Variants in GABRB2 observed in about 807,000 individuals in gnomAD.
GABRB2 encodes gamma-aminobutyric acid receptor subunit beta-2.
A neutral mutation model predicts 54.7 loss-of-function variants in GABRB2; 16 were observed. That is an observed-to-expected ratio of 0.29 (90% CI 0.20 to 0.44). GABRB2 has a LOEUF of 0.44. GABRB2 is among the 20% of genes least tolerant of loss of function. GABRB2 has a pLI of 1.00. For synonymous variants in GABRB2, 244 were observed against 233.8 expected (o/e 1.04, Z -0.40); for missense variants, 355 against 644.0 (o/e 0.55, Z 4.86).
chr5:161,452,847 A>T (rs1193695113), intron 4 of GABRB2, among the ~76,000 whole-genome samples: 1 of 152,096 alleles, frequency 6.6e-6, no homozygotes, highest in Non-Finnish European at 1.5e-5. Context: ...GATACAAGAA[A>T]TACCCAGGTG....
intron 3 of GABRB2, among the ~76,000 whole-genome samples, chr5:161,520,032 T>C (rs766162075): frequency 3.9e-5 from 6 of 152,110 alleles, no homozygotes; most frequent in Non-Finnish European, 8.8e-5. Flanking sequence ...AGATTTTGCA[T>C]GAAAATGGAG....
intron 5 of GABRB2, among the ~76,000 whole-genome samples, chr5:161,343,188 T>G (rs1243900043): frequency 6.6e-6 from 1 of 152,066 alleles, no homozygotes; most frequent in Admixed American, 6.6e-5. Flanking sequence ...TATTCTTCAC[T>G]CTGCTCTTTA....
chr5:161,309,385 AG>A (rs1465668067), intron 9 of GABRB2, among the ~76,000 whole-genome samples: 9 of 152,286 alleles, frequency 5.9e-5, no homozygotes, highest in African/African-American at 2.2e-4. Flanking sequence ...GTGGAGAAAA[AG>A]GGATGCTTAT....
chr5:161,521,628 T>C (rs1055070358), intron 3 of GABRB2, among the ~76,000 whole-genome samples: 2 of 151,896 alleles, frequency 1.3e-5, no homozygotes, highest in Admixed American at 1.3e-4. Flanking sequence ...TCATCACTTT[T>C]AAAGTCCCAG....
At chr5:161,363,007 AC>A (rs1167943311) in intron 5 of GABRB2, among the ~76,000 whole-genome samples, 1 of 152,174 alleles carries the variant, frequency 6.6e-6, no homozygotes, top group Non-Finnish European at 1.5e-5. Flanking sequence ...ATACCATTTG[AC>A]CCAGCAATCC....
intron 5 of GABRB2, among the ~76,000 whole-genome samples, chr5:161,342,239 AATTTAATGTGTACATCACAGC>A (rs1754191448): frequency 6.6e-6 from 1 of 151,836 alleles, no homozygotes; most frequent in Non-Finnish European, 1.5e-5. Context: ...AACGTGCATA[AATTTAATGTGTACATCACAGC>A]ATTTTATGTG....
intron 3 of GABRB2, among the ~76,000 whole-genome samples, chr5:161,522,646 A>G (rs1360133627): frequency 2.0e-5 from 3 of 151,460 alleles, no homozygotes; most frequent in African/African-American, 7.3e-5. Context: ...GGATATATCA[A>G]CCCCTTCCTT....
chr5:161,363,504 G>A (rs1754880499), intron 5 of GABRB2, among the ~76,000 whole-genome samples: 2 of 152,042 alleles, frequency 1.3e-5, no homozygotes, highest in South Asian at 4.2e-4. Context: ...TTCTGCACAT[G>A]TATCCCAGAA....
At position 161,326,399 on chromosome 5, in the gene GABRB2, C is replaced by T. The variant is rs369113102; in HGVS notation, c.1160G>A (p.Arg387Gln). The change falls in exon 9 of 10, where the codon CGG becomes CAG. Residue 387 changes from arginine (R) to glutamine (Q), a missense_variant. Arg to Gln is a conservative substitution (Grantham distance 43). Around this residue, in one of 6 missense-constraint regions of GABRB2, gnomAD observed 201 missense variants for 228.1 expected, o/e 0.88. Coordinates refer to ENST00000393959, the MANE Select transcript of GABRB2 (RefSeq NM_001371727.1). ...CAGAGAGAAATCGTAATTGGTAGTC[C>T]GTCTAGTTGGGGAGAGGTTTCCAGT... ...DPTGNLSPTR[R>Q]TTNYDFSLYT... is the part of the protein sequence containing the mutation. The T allele has an allele frequency of 1.7e-5, 27 of 1,613,268 alleles. No individual in the cohort carries two copies. Among genetic ancestry groups the T allele is most frequent in the East Asian group, 1.6e-4 (7 of 44,860 alleles).
chr5:161,300,653 T>C (rs1274732580), intron 9 of GABRB2, among the ~76,000 whole-genome samples: 1 of 152,186 alleles, frequency 6.6e-6, no homozygotes, highest in Non-Finnish European at 1.5e-5. Flanking sequence ...ATCAGACTAC[T>C]CTGGAGGCCT....
At chr5:161,386,826 A>AAT (rs1755653837) in intron 5 of GABRB2, among the ~76,000 whole-genome samples, 1 of 147,154 alleles carries the variant, frequency 6.8e-6, no homozygotes, top group Non-Finnish European at 1.5e-5. Flanking sequence ...TGCCCAGCCA[A>AAT]AAAAAAAAAA....
At chr5:161,405,539 T>C (rs1756326043) in intron 5 of GABRB2, among the ~76,000 whole-genome samples, 1 of 151,996 alleles carries the variant, frequency 6.6e-6, no homozygotes, top group African/African-American at 2.4e-5. Context: ...GACAAGTCTA[T>C]CTCTATTCAA....
intron 5 of GABRB2, 42 bp downstream of exon 5, chr5:161,410,933 T>C: frequency 6.7e-7 from 1 of 1,501,836 alleles, no homozygotes; most frequent in Non-Finnish European, 9.3e-7. Context: ...GTAAGAACCT[T>C]AAAGCAGAGT....
intron 7 of GABRB2, among the ~76,000 whole-genome samples, chr5:161,331,926 G>A (rs1753855792): frequency 6.6e-6 from 1 of 151,976 alleles, no homozygotes; most frequent in South Asian, 2.1e-4. Flanking sequence ...AGCACTTTGG[G>A]AGGCCGAGGC....
chr5:161,373,929 T>C (rs1367263277), intron 5 of GABRB2, among the ~76,000 whole-genome samples: 2 of 151,956 alleles, frequency 1.3e-5, no homozygotes, highest in Non-Finnish European at 2.9e-5. Context: ...CTTTATTTTA[T>C]TTTATTTTAT....
At chr5:161,338,326 G>C (rs1034151221) in intron 5 of GABRB2, among the ~76,000 whole-genome samples, 1 of 152,112 alleles carries the variant, frequency 6.6e-6, no homozygotes, top group Non-Finnish European at 1.5e-5. Flanking sequence ...TCCGGATATA[G>C]TTAATGATTT....
At chr5:161,465,906 A>T (rs1440394216) in intron 3 of GABRB2, among the ~76,000 whole-genome samples, 3 of 152,128 alleles carry the variant, frequency 2.0e-5, no homozygotes, top group East Asian at 3.9e-4. Context: ...CAGGAAATTG[A>T]CATATATAAT....
intron 3 of GABRB2, among the ~76,000 whole-genome samples, chr5:161,535,617 T>G (rs1055100344): frequency 6.6e-6 from 1 of 152,208 alleles, no homozygotes; most frequent in African/African-American, 2.4e-5. Flanking sequence ...TCATTTAACC[T>G]CTCTGGGCCT....
At chr5:161,431,714 A>T (rs1369824844) in intron 4 of GABRB2, among the ~76,000 whole-genome samples, 1 of 152,202 alleles carries the variant, frequency 6.6e-6, no homozygotes, top group African/African-American at 2.4e-5. Flanking sequence ...TAAAGAAGAG[A>T]TGCAAACCAC....
Sources: gnomAD v4.1 joint callset for allele counts (sites outside exome capture counted in the v4.1 genomes callset) on GRCh38, gnomAD v4.1.1 for gene constraint, gnomAD v4.1.1 regional missense constraint, MANE v1.5 for transcripts, NCBI Gene and HGNC (gene_info 2026-07-23, HGNC 2026-07-21) for gene names.